The following RIMS2 variants were observed in gnomAD, a reference collection of about 807,000 sequenced individuals.
The protein encoded by RIMS2 is regulating synaptic membrane exocytosis 2.
A neutral mutation model predicts 174.4 loss-of-function variants in RIMS2; 59 were observed. The observed-to-expected ratio is 0.34, with a 90% confidence interval of 0.27 to 0.42. The LOEUF (loss-of-function observed/expected upper bound fraction) is 0.42, where lower values mean the gene tolerates loss of function less well. Ranked by LOEUF, RIMS2 falls within the 10% of genes least tolerant of loss-of-function variation. The probability of loss-of-function intolerance (pLI) is 1.00; values close to 1 mark genes in which losing one functional copy is unlikely to be tolerated. For synonymous variants in RIMS2, 606 were observed against 572.5 expected (o/e 1.06, Z -0.84); for missense variants, 1,620 against 1,666.3 (o/e 0.97, Z 0.48).
At chr8:103,708,210 CA>C (rs1355345643) in intron 2 of RIMS2, among the ~76,000 whole-genome samples, 1 of 152,148 alleles carries the variant, frequency 6.6e-6, no homozygotes, top group Non-Finnish European at 1.5e-5. Flanking sequence ...GGCTCAAGGC[CA>C]CTTTTGTTAG....
intron 19 of RIMS2, 107 bp downstream of exon 23, chr8:104,068,719 C>T (rs1468555383): frequency 6.4e-6 from 4 of 626,310 alleles, no homozygotes; most frequent in African/African-American, 5.5e-5. Flanking sequence ...CATATAATGC[C>T]ATGGCCCCAT....
chr8:103,578,676 G>C (rs539485410), intron 1 of RIMS2, among the ~76,000 whole-genome samples: 38 of 152,252 alleles, frequency 2.5e-4, no homozygotes, highest in African/African-American at 7.9e-4. Flanking sequence ...TTTTCAAAGT[G>C]CTGAAGGAAA....
intron 1 of RIMS2, among the ~76,000 whole-genome samples, chr8:103,585,739 G>A (rs1230529918): frequency 6.6e-6 from 1 of 151,736 alleles, no homozygotes; most frequent in Non-Finnish European, 1.5e-5. Context: ...GGGGTTGGGG[G>A]CAAGGGGAGG....
chr8:104,216,484 G>A (rs916674852), intron 19 of RIMS2, among the ~76,000 whole-genome samples: 5 of 152,188 alleles, frequency 3.3e-5, no homozygotes, highest in African/African-American at 1.2e-4. Flanking sequence ...TATTGGGTTT[G>A]CTACTTGTGA....
At chr8:104,227,211 C>CTT (rs55927938) in intron 19 of RIMS2, among the ~76,000 whole-genome samples, 15,793 of 126,582 alleles carry the variant, frequency 0.12, 1,159 homozygotes, top group African/African-American at 0.18. Flanking sequence ...ACTTGGAGCT[C>CTT]TTTTTTTTTT....
At chr8:104,223,580 T>C (rs1413306711) in intron 19 of RIMS2, 2 of 1,482,282 alleles carry the variant, frequency 1.3e-6, no homozygotes, top group Admixed American at 2.2e-5. Context: ...CCGGAACCGC[T>C]GCGGACGCTG....
At chr8:103,590,148 G>A (rs1324550810) in intron 1 of RIMS2, among the ~76,000 whole-genome samples, 2 of 151,306 alleles carry the variant, frequency 1.3e-5, no homozygotes, top group Admixed American at 6.6e-5. Flanking sequence ...TTCAGGATGT[G>A]CTTATTTCAT....
At chr8:103,765,550 A>G (rs1442913445) in intron 2 of RIMS2, among the ~76,000 whole-genome samples, 4 of 152,218 alleles carry the variant, frequency 2.6e-5, no homozygotes, top group African/African-American at 9.6e-5. Flanking sequence ...CATCAGATGC[A>G]TTAGTATAAA....
intron 19 of RIMS2, among the ~76,000 whole-genome samples, chr8:104,189,145 C>T (rs1003745415): frequency 6.6e-6 from 1 of 151,924 alleles, no homozygotes; most frequent in African/African-American, 2.4e-5. Flanking sequence ...AGCAGCCAGA[C>T]TTTTCTGTAA....
chr8:104,194,109 C>A lies in RIMS2; in HGVS notation c.3335-50807C>A, dbSNP rs145464299. On this transcript the variant is annotated intron_variant, in intron 19 of 23. Coordinates refer to ENST00000504942, the Ensembl canonical transcript of RIMS2. ...TTTTCAGCCTGCTTAGAGTACTTTC[C>A]CATGGCAAATAATCAGTATTAGGAG... Among the ~76,000 whole-genome samples the A allele has an allele frequency of 9.5e-3, 1,446 of 152,132 alleles. 93 individuals carry two copies. Among genetic ancestry groups the A allele is most frequent in the Admixed American group, 0.087 (1,327 of 15,274 alleles).
chr8:104,193,809 T>A (rs897111681), intron 19 of RIMS2, among the ~76,000 whole-genome samples: 1 of 152,240 alleles, frequency 6.6e-6, no homozygotes, highest in South Asian at 2.1e-4. Context: ...TTCCTATTCC[T>A]AACCCTTGCT....
At chr8:103,892,361 C>A (rs1246986035) in intron 4 of RIMS2, among the ~76,000 whole-genome samples, 5 of 151,620 alleles carry the variant, frequency 3.3e-5, no homozygotes, top group African/African-American at 1.2e-4. Context: ...CACCACCGAG[C>A]CCAGCTAATT....
intron 19 of RIMS2, among the ~76,000 whole-genome samples, chr8:104,041,827 G>GAGTT (rs1212280264): frequency 2.0e-5 from 3 of 151,670 alleles, no homozygotes; most frequent in Non-Finnish European, 3.0e-5. Context: ...TATCACTGAA[G>GAGTT]AGTTAAGAGA....
rs1180861534 is a variant in RIMS2 at position 103,634,371 on chromosome 8, A to T, written c.177-62715A>T. Among the ~76,000 whole-genome samples, 3 of 152,092 alleles carry T rather than the reference A, an allele frequency of 2.0e-5. No homozygotes were observed. In the East Asian group the frequency reaches 5.8e-4, roughly 29 times the overall value. Reference sequence around the variant, plus strand: ...TGTTGACTTGTATTTTTATTGTTCTATGACCTGACAGTGTGTTTGGTGTGA... The same window carrying T: ...TGTTGACTTGTATTTTTATTGTTCTTTGACCTGACAGTGTGTTTGGTGTGA... On this transcript the variant is annotated intron_variant, in intron 1 of 23. Transcript: ENST00000504942.
intron 19 of RIMS2, among the ~76,000 whole-genome samples, chr8:104,222,269 A>G (rs1214834194): frequency 6.6e-6 from 1 of 152,186 alleles, no homozygotes; most frequent in East Asian, 1.9e-4. Context: ...TCACTGTTGC[A>G]TCATATAAAC....
chr8:103,951,888 T>A (rs575247830), intron 14 of RIMS2, among the ~76,000 whole-genome samples: 1 of 152,206 alleles, frequency 6.6e-6, no homozygotes, highest in Admixed American at 6.5e-5. Flanking sequence ...CAGTCTGAGT[T>A]CTACCTGGGA....
chr8:104,089,507 ATTC>A (rs573401843), intron 19 of RIMS2, among the ~76,000 whole-genome samples: 24 of 151,944 alleles, frequency 1.6e-4, no homozygotes, highest in South Asian at 4.1e-4. Context: ...TTCAAAATGT[ATTC>A]TTCTGAAATT....
chr8:104,186,056 TA>T (rs2098966332), intron 19 of RIMS2, among the ~76,000 whole-genome samples: 2 of 151,644 alleles, frequency 1.3e-5, no homozygotes, highest in African/African-American at 2.4e-5. Flanking sequence ...TATTCAGCCA[TA>T]AAAAAAGAAT....
exon 4 of RIMS2, chr8:103,885,427 G>A (rs1565112294): frequency 9.9e-6 from 16 of 1,611,580 alleles, no homozygotes; most frequent in Non-Finnish European, 1.4e-5. Flanking sequence ...ATGCTGATAG[G>A]CGATCTCAAC....
Sources: allele counts gnomAD v4.1 joint callset (sites outside exome capture counted in the v4.1 genomes callset), GRCh38; gene constraint gnomAD v4.1.1; transcripts MANE v1.5; gene names NCBI Gene and HGNC (gene_info 2026-07-23, HGNC 2026-07-21).